The following FASTKD1 variants were observed in gnomAD, a reference collection of about 807,000 sequenced individuals.
FASTKD1 encodes the protein FAST kinase domain-containing protein 1, mitochondrial.
FASTKD1 carries 94 observed loss-of-function variants against 90.9 expected under a neutral mutation model. The observed-to-expected ratio is 1.03, with a 90% CI of 0.88 to 1.23. FASTKD1 has a LOEUF of 1.23. Among genes scored for constraint, FASTKD1 ranks in the 50% most tolerant of loss-of-function variants. FASTKD1 has a pLI of 0.00. For synonymous variants in FASTKD1, 319 were observed against 345.8 expected (o/e 0.92, Z 0.86); for missense variants, 945 against 993.5 (o/e 0.95, Z 0.66).
chr2:169,553,771 A>C (rs952203802), intron 7 of FASTKD1, among the ~76,000 whole-genome samples: 2 of 151,814 alleles, frequency 1.3e-5, no homozygotes, highest in South Asian at 4.2e-4. Context: ...AAATACAAAA[A>C]ATTAGCCGGG....
At chr2:169,566,407 T>G (rs1406634509) in intron 3 of FASTKD1, among the ~76,000 whole-genome samples, 1 of 152,156 alleles carries the variant, frequency 6.6e-6, no homozygotes, top group African/African-American at 2.4e-5. Context: ...CTACTCTTTC[T>G]CCTTTTGTAA....
rs548133010 is a variant in FASTKD1 at position 169,544,164 on chromosome 2, A to G, written c.1816+557T>C. ...AGAGAGTCAGAGAAACAAACGGATA[A>G]GGCAAACACTGTAAAATGTTAACAT... is the stretch of plus-strand genomic sequence containing the variant. On this transcript the variant is annotated intron_variant, in intron 9 of 14. Coordinates refer to ENST00000453153, the MANE Select transcript of FASTKD1 (RefSeq NM_024622.6). Among the ~76,000 whole-genome samples the G allele has an allele frequency of 5.9e-5, 9 of 152,354 alleles. No individual in the cohort carries two copies. In the East Asian group the frequency reaches 1.7e-3, roughly 29 times the overall value.
chr2:169,560,418 C>T lies in FASTKD1; in HGVS notation c.940G>A (p.Gly314Arg), dbSNP rs1683529611. 5 of 1,560,178 alleles carry T rather than the reference C, an allele frequency of 3.2e-6. No individual in the cohort carries two copies. The highest frequency in any genetic ancestry group is 3.4e-6 in the Non-Finnish European group (4 of 1,162,056). Residue 314 changes from glycine to arginine, a missense_variant, in exon 5 of 15, where the codon GGA becomes AGA. Transcript: ENST00000453153. ...ASFVKLFVAL[G>R]PIAGPEEKKQ... ...TTTTCTTCAGGTCCTGCAATGGGTC[C>T]CAATGCTACAAACAATTTTACAAAG...
Position 169,557,270 on chromosome 2 carries a change from T to C in FASTKD1, c.999A>G (p.Ser333=). 1 of 1,608,800 alleles carries C rather than the reference T, an allele frequency of 6.2e-7. No individual in the cohort carries two copies. Among genetic ancestry groups the C allele is most frequent in the South Asian group, 1.1e-5 (1 of 90,142 alleles). ...KQLKSTMLLM[S]EDLTGEQALA... is the part of the protein sequence containing the mutation. ...GGGCTTGCTCGCCAGTTAGGTCCTC[T>C]GACATCAATAACATAGTTGATTTAA... Residue 333 remains serine (S), a synonymous_variant, in exon 6 of 15, where the codon TCA becomes TCG. Coordinates refer to ENST00000453153, the MANE Select transcript of FASTKD1 (RefSeq NM_024622.6).
In FASTKD1 at chr2:169,548,664, G is replaced by A. The variant is rs190551275; in HGVS notation, c.1215-1960C>T. Among the ~76,000 whole-genome samples, 8 of 149,008 alleles carry A rather than the reference G, an allele frequency of 5.4e-5. 1 individual carries two copies. The highest frequency in any genetic ancestry group is 3.4e-4 in the Admixed American group (5 of 14,850). ...TGAGAATCGCTTGAACCCGGGAGGC[G>A]GAGGTTGCAGTGAGCCGAGATCACG... On this transcript the variant is annotated intron_variant, in intron 7 of 14. Coordinates refer to ENST00000453153, the MANE Select transcript of FASTKD1 (RefSeq NM_024622.6).
At chr2:169,533,791 C>T (rs917138661) in intron 12 of FASTKD1, among the ~76,000 whole-genome samples, 1 of 152,034 alleles carries the variant, frequency 6.6e-6, no homozygotes, top group Admixed American at 6.5e-5. Context: ...ATATTCACAA[C>T]ATATAAAGTT....
rs1490649394 is a variant in FASTKD1, at chr2:169,531,365, G to A, written c.2314C>T (p.Pro772Ser). The A allele has an allele frequency of 1.2e-6, 2 of 1,613,436 alleles. No individual in the cohort carries two copies. Among genetic ancestry groups the A allele is most frequent in the Admixed American group, 1.7e-5 (1 of 59,964 alleles). The change falls in exon 13 of 15, where the codon CCA (proline) becomes TCA (serine). Residue 772 changes from proline to serine, a missense_variant. Pro to Ser is a moderately conservative substitution (Grantham distance 74). Coordinates refer to ENST00000453153, the MANE Select transcript of FASTKD1 (RefSeq NM_024622.6). The stretch of plus-strand genomic sequence containing the variant: ...GAAATAAATTACCTTTCAGCCCCTG[G>A]TGGCAGCCTTGATCCAACTATTTCG... Reference protein sequence around the residue: ...NIEIVGSRLPPGAERIALEFL... With the variant: ...NIEIVGSRLPSGAERIALEFL...
chr2:169,545,845 G>A (rs1685165913), intron 8 of FASTKD1, among the ~76,000 whole-genome samples: 1 of 152,196 alleles, frequency 6.6e-6, no homozygotes, highest in Non-Finnish European at 1.5e-5. Context: ...ACCAAAGAAT[G>A]ATTGCTGATC....
intron 12 of FASTKD1, among the ~76,000 whole-genome samples, chr2:169,534,995 G>A (rs1453837312): frequency 1.3e-5 from 2 of 151,086 alleles, no homozygotes; most frequent in East Asian, 3.9e-4. Flanking sequence ...TTAAGAGATG[G>A]GGTTATATTC....
rs544410704 is a variant in FASTKD1 at position 169,546,437 on chromosome 2, G to A, written c.1482C>T (p.Ser494=). The A allele has an allele frequency of 1.3e-4, 216 of 1,614,114 alleles. 2 individuals carry two copies. The South Asian group carries it at 1.6e-3, about 12-fold the overall frequency. ...CCTTCCGTAACAGATCCAAACTGTT[G>A]CTGTGTTGTAGTCTCTGACGACCAT... The part of the protein sequence containing the change: ...DHYGRQRLQH[S]NSLDLLRKEL... Residue 494 remains serine (S), a synonymous_variant, in exon 8 of 15, where the codon AGC becomes AGT. Coordinates refer to ENST00000453153, the MANE Select transcript of FASTKD1 (RefSeq NM_024622.6).
At chr2:169,562,250 T>C (rs1364739578) in intron 4 of FASTKD1, among the ~76,000 whole-genome samples, 1 of 151,922 alleles carries the variant, frequency 6.6e-6, no homozygotes, top group African/African-American at 2.4e-5. Context: ...ATTGTTGTTT[T>C]GAGACAGAGT....
chr2:169,561,860 A>G (rs959691106), intron 4 of FASTKD1, among the ~76,000 whole-genome samples: 7 of 42,498 alleles, frequency 1.6e-4, no homozygotes, highest in Non-Finnish European at 5.4e-5. Flanking sequence ...AATTTATTGT[A>G]AAATAATTAT....
intron 5 of FASTKD1, among the ~76,000 whole-genome samples, chr2:169,559,849 C>T (rs751359417): frequency 6.6e-6 from 1 of 152,138 alleles, no homozygotes; most frequent in Non-Finnish European, 1.5e-5. Flanking sequence ...AATATTTGCT[C>T]ATCATTATAT....
In FASTKD1 at chr2:169,529,862, C is replaced by G. The variant is rs781394990; in HGVS notation, c.2507G>C (p.Arg836Thr). ...CTTGACTTCTCCAAATATACATTCT[C>G]TCAGGTAGTCCATCCGAGCATCCTT... ...STKDARMDYL[R>T]ECIFGEVKSC... Residue 836 changes from arginine (R) to threonine (T), a missense_variant, in exon 15 of 15, where the codon AGA becomes ACA. Physicochemically the swap from Arg to Thr is moderately conservative, Grantham distance 71. Coordinates refer to ENST00000453153, the MANE Select transcript of FASTKD1 (RefSeq NM_024622.6). 3.1e-6 allele frequency: 5 copies of G among 1,613,474 alleles called. No individual in the cohort carries two copies. The African/African-American group carries it at 6.7e-5, about 22-fold the overall frequency.
chr2:169,537,241 T>C lies in FASTKD1; in HGVS notation c.2174A>G (p.Tyr725Cys). ...CAATAACTTACCTACTTTGTGGTAATAAGGCGTAAGAACCGAGGCTTTTAC... is the reference window on the plus strand; with the variant it reads ...CAATAACTTACCTACTTTGTGGTAACAAGGCGTAAGAACCGAGGCTTTTAC... Reference protein sequence around the residue: ...NCVKASVLTPYYHKVDFECIL... With the variant: ...NCVKASVLTPCYHKVDFECIL... The change falls in exon 12 of 15, where the codon TAT becomes TGT. Residue 725 changes from tyrosine to cysteine, a missense_variant. Coordinates refer to ENST00000453153, the MANE Select transcript of FASTKD1 (RefSeq NM_024622.6). 1.2e-6 allele frequency: 2 copies of C among 1,603,850 alleles called. No homozygotes were observed. Among genetic ancestry groups the C allele is most frequent in the Non-Finnish European group, 1.7e-6 (2 of 1,171,216 alleles).
chr2:169,564,929 T>C (rs980364134), intron 3 of FASTKD1, among the ~76,000 whole-genome samples: 13 of 151,644 alleles, frequency 8.6e-5, no homozygotes, highest in African/African-American at 1.2e-4. Context: ...TATTACCCCA[T>C]TGTGTATATA....
At chr2:169,541,679 T>C (rs567439814) in intron 9 of FASTKD1, among the ~76,000 whole-genome samples, 2 of 152,250 alleles carry the variant, frequency 1.3e-5, no homozygotes, top group East Asian at 3.9e-4. Flanking sequence ...TCACCAGAGG[T>C]CTAAAGATCT....
intron 9 of FASTKD1, among the ~76,000 whole-genome samples, chr2:169,542,285 A>C (rs751406678): frequency 6.6e-6 from 1 of 152,174 alleles, no homozygotes; most frequent in Non-Finnish European, 1.5e-5. Flanking sequence ...GTACATGGAA[A>C]GTGTTGACTG....
At chr2:169,547,676 G>C (rs551708676) in intron 7 of FASTKD1, among the ~76,000 whole-genome samples, 1 of 151,848 alleles carries the variant, frequency 6.6e-6, no homozygotes, top group African/African-American at 2.4e-5. Context: ...ACAGGGGTTC[G>C]AGACCAGTCT....
Sources: allele counts gnomAD v4.1 joint callset (sites outside exome capture counted in the v4.1 genomes callset), GRCh38; gene constraint gnomAD v4.1.1; transcripts MANE v1.5; gene names NCBI Gene and HGNC (gene_info 2026-07-23, HGNC 2026-07-21).